The following GPR158 variants were observed in gnomAD, a reference collection of about 807,000 sequenced individuals.
GPR158 encodes metabotropic glycine receptor.
In GPR158, 30 loss-of-function variants were observed where a neutral mutation model predicts 78.2. That is an observed-to-expected ratio of 0.38 (90% CI 0.29 to 0.52). GPR158 has a LOEUF of 0.52. Among genes scored for constraint, GPR158 ranks in the 20% least tolerant of loss-of-function variants. GPR158 has a pLI of 0.83. For synonymous variants in GPR158, 581 were observed against 591.1 expected (o/e 0.98, Z 0.25); for missense variants, 1,463 against 1,523.5 (o/e 0.96, Z 0.66).
intron 2 of GPR158, among the ~76,000 whole-genome samples, chr10:25,308,733 C>G (rs942023411): frequency 6.6e-6 from 1 of 152,112 alleles, no homozygotes; most frequent in Non-Finnish European, 1.5e-5. Context: ...TCCCCCATCC[C>G]CTAAAACCAC....
intron 2 of GPR158, among the ~76,000 whole-genome samples, chr10:25,308,495 TTA>T (rs1854716502): frequency 1.3e-5 from 2 of 152,222 alleles, no homozygotes; most frequent in Non-Finnish European, 2.9e-5. Flanking sequence ...TTTGCCCATT[TTA>T]GTACCAGATT....
At chr10:25,543,181 C>T (rs772033286) in intron 5 of GPR158, among the ~76,000 whole-genome samples, 17 of 152,004 alleles carry the variant, frequency 1.1e-4, no homozygotes, top group Non-Finnish European at 2.1e-4. Context: ...AGTGCAGTGG[C>T]GCAATCTCTG....
chr10:25,527,429 C>T (rs1836364794), intron 5 of GPR158, among the ~76,000 whole-genome samples: 1 of 151,902 alleles, frequency 6.6e-6, no homozygotes, highest in African/African-American at 2.4e-5. Context: ...AATTAGTAAT[C>T]AATGATATGT....
chr10:25,330,310 C>A (rs1015151848), intron 2 of GPR158, among the ~76,000 whole-genome samples: 1 of 152,118 alleles, frequency 6.6e-6, no homozygotes, highest in African/African-American at 2.4e-5. Flanking sequence ...GGCAATGACT[C>A]ACATTTATTG....
At chr10:25,208,558 TTGTGTGTGTGTGTGTGTGTGTGTGTG>T (rs71399956) in intron 1 of GPR158, among the ~76,000 whole-genome samples, 3 of 135,156 alleles carry the variant, frequency 2.2e-5, no homozygotes, top group African/African-American at 8.2e-5. Flanking sequence ...CTATGTGAAT[TTGTGTGTGTGTGTGTGTGTGTGTGTG>T]TGTGTGTGTG....
intron 2 of GPR158, among the ~76,000 whole-genome samples, chr10:25,289,645 C>T (rs1224458868): frequency 1.3e-5 from 2 of 151,964 alleles, no homozygotes; most frequent in Non-Finnish European, 2.9e-5. Context: ...TGGTCTCAAT[C>T]TCCTGACCTC....
chr10:25,250,306 A>G (rs1208671435), intron 2 of GPR158, among the ~76,000 whole-genome samples: 3 of 113,280 alleles, frequency 2.6e-5, no homozygotes, highest in Non-Finnish European at 5.3e-5. Context: ...TTGTGTCTCT[A>G]TTTCCTTCAG....
At position 25,598,767 on chromosome 10, in the gene GPR158, A is replaced by C; in HGVS notation, c.3141A>C (p.Lys1047Asn). 4 of 1,614,092 alleles carry C rather than the reference A, an allele frequency of 2.5e-6. No homozygotes were observed. Among genetic ancestry groups the C allele is most frequent in the Non-Finnish European group, 3.4e-6 (4 of 1,180,008 alleles). ...EKNPTFSLKE[K>N]SHHKPKAAEV... ...ACCCCACTTTTTCCTTAAAGGAGAA[A>C]TCTCACCACAAGCCTAAGGCAGCTG... The change falls in exon 11 of 11, where the codon AAA (lysine) becomes AAC (asparagine). Residue 1047 changes from lysine (K) to asparagine (N), a missense_variant. Lys to Asn is a moderately conservative substitution (Grantham distance 94). Transcript: ENST00000376351.
intron 5 of GPR158, among the ~76,000 whole-genome samples, chr10:25,471,705 A>G (rs1835506171): frequency 6.6e-6 from 1 of 152,134 alleles, no homozygotes; most frequent in Admixed American, 6.5e-5. Flanking sequence ...CATTTCTCTG[A>G]TGGCCAGTGA....
intron 7 of GPR158, among the ~76,000 whole-genome samples, chr10:25,583,679 G>T (rs537447843): frequency 4.0e-5 from 6 of 151,876 alleles, no homozygotes; most frequent in Non-Finnish European, 8.8e-5. Flanking sequence ...CTTTAACCAT[G>T]AATTTTTTAA....
At chr10:25,499,860 T>A (rs117283334) in intron 5 of GPR158, among the ~76,000 whole-genome samples, 1 of 152,228 alleles carries the variant, frequency 6.6e-6, no homozygotes, top group East Asian at 1.9e-4. Context: ...CCTGCGTCAC[T>A]GTGGGAAGGG....
intron 5 of GPR158, among the ~76,000 whole-genome samples, chr10:25,545,312 C>T (rs1008384449): frequency 2.0e-5 from 3 of 152,164 alleles, no homozygotes; most frequent in African/African-American, 7.2e-5. Flanking sequence ...AACTAATTTA[C>T]ACTCCAACCA....
intron 7 of GPR158, among the ~76,000 whole-genome samples, chr10:25,574,907 A>G (rs1037079329): frequency 2.0e-5 from 3 of 152,064 alleles, no homozygotes; most frequent in Admixed American, 6.5e-5. Flanking sequence ...AACAAAAAAA[A>G]TAGTGAAGGA....
Position 25,597,834 on chromosome 10 carries a change from C to A in GPR158, c.2208C>A (p.Asn736Lys). Reference protein sequence around the residue: ...EIYKRKKMITNNPHLQKKRCS... With the variant: ...EIYKRKKMITKNPHLQKKRCS... ...ATAAAAGAAAGAAGATGATCACAAA[C>A]AACCCCCACCTCCAGAAAAAGCGGT... Residue 736 changes from asparagine (N) to lysine (K), a missense_variant, in exon 11 of 11, where the codon AAC (asparagine) becomes AAA (lysine). By Grantham distance (94) the Asn-to-Lys change is moderately conservative. Transcript: ENST00000376351. 3.9e-6 allele frequency: 6 copies of A among 1,531,524 alleles called. No homozygotes were observed. The highest frequency in any genetic ancestry group is 5.3e-6 in the Non-Finnish European group (6 of 1,142,716). 94.9% of individuals were successfully genotyped at this position (1,531,524 alleles called of 1,614,324 possible). A position where few individuals can be genotyped will look rare whatever the true frequency, so the allele number is the denominator to read the frequency against.
rs191701481 is a variant in GPR158, at chr10:25,256,486, T to C, written c.1008+35329T>C. On this transcript the variant is annotated intron_variant, in intron 2 of 10. Transcript: ENST00000376351. ...GGGTAACATAGTAAGGCCCTGTCTC[T>C]ACAATCTACAATTTTTTTTTTAATT... 9.1e-4 allele frequency among the ~76,000 whole-genome samples: 139 copies of C among 152,104 alleles called. 1 individual carries two copies. The highest frequency in any genetic ancestry group is 3.4e-3 in the Middle Eastern group (1 of 294).
chr10:25,286,418 C>T (rs1048847598), intron 2 of GPR158, among the ~76,000 whole-genome samples: 3 of 152,108 alleles, frequency 2.0e-5, no homozygotes, highest in African/African-American at 7.2e-5. Flanking sequence ...TTCACTATAA[C>T]ATTTGCATTA....
rs1837466782 is a variant in GPR158 at position 25,599,702 on chromosome 10, C to T, written c.*428C>T. The T allele has an allele frequency of 6.3e-6, 1 of 159,174 alleles. No individual in the cohort carries two copies. The highest frequency in any genetic ancestry group is 1.4e-5 in the Non-Finnish European group (1 of 72,168). 9.9% of individuals were successfully genotyped at this position (159,174 alleles called of 1,614,324 possible). A position where few individuals can be genotyped will look rare whatever the true frequency, so the allele number is the denominator to read the frequency against. ...GCTGACCGAGAAGAACTTACTTTAC[C>T]TATTTAACCTTGATAGCACTGCTAA... On this transcript the variant is annotated 3_prime_UTR_variant, in exon 11 of 11. Coordinates refer to ENST00000376351, the MANE Select transcript of GPR158 (RefSeq NM_020752.3).
intron 1 of GPR158, among the ~76,000 whole-genome samples, chr10:25,178,202 A>G (rs759658802): frequency 1.3e-5 from 2 of 152,166 alleles, no homozygotes; most frequent in Non-Finnish European, 2.9e-5. Flanking sequence ...TGAAGCCCAG[A>G]GGGGTTCAGC....
intron 5 of GPR158, among the ~76,000 whole-genome samples, chr10:25,483,378 C>T (rs1487351328): frequency 6.6e-6 from 1 of 152,008 alleles, no homozygotes; most frequent in African/African-American, 2.4e-5. Context: ...TTTTCCTCCC[C>T]CCTTTCATGT....
Sources: gnomAD v4.1 joint callset for allele counts (sites outside exome capture counted in the v4.1 genomes callset) on GRCh38, gnomAD v4.1.1 for gene constraint, MANE v1.5 for transcripts, NCBI Gene and HGNC (gene_info 2026-07-23, HGNC 2026-07-21) for gene names.